GFRAL: variants seen among roughly 807,000 people sequenced by gnomAD.
GFRAL encodes GDNF family receptor alpha-like.
In GFRAL, 36 loss-of-function variants were observed where a neutral mutation model predicts 45.4. The ratio of observed to expected loss-of-function variants is 0.79; its 90% CI spans 0.61 to 1.05. The LOEUF (loss-of-function observed/expected upper bound fraction) is 1.05, where lower values mean the gene tolerates loss of function less well. Ranked by LOEUF, GFRAL falls within the 50% of genes least tolerant of loss-of-function variation. GFRAL has a pLI of 0.00. For synonymous variants in GFRAL, 166 were observed against 154.1 expected, an observed-to-expected ratio of 1.08 and a Z score of -0.57; for missense variants, 507 against 467.5, an observed-to-expected ratio of 1.08 and a Z score of -0.78.
chr6:55,333,655 T>G, intron 2 of GFRAL, 131 bp from the exon 3 acceptor site: 2 of 498,868 alleles, frequency 4.0e-6, no homozygotes, highest in East Asian at 6.4e-5. Flanking sequence ...TATGGATATC[T>G]TGCAGCAACC....
chr6:55,392,373 G>A (rs567307080), intron 6 of GFRAL, among the ~76,000 whole-genome samples: 1 of 152,274 alleles, frequency 6.6e-6, no homozygotes, highest in East Asian at 1.9e-4. Context: ...ACTTACATAG[G>A]TAACCTTTAC....
At chr6:55,395,936 G>T (rs16886691) in intron 6 of GFRAL, among the ~76,000 whole-genome samples, 2,110 of 152,182 alleles carry the variant, frequency 0.014, 36 homozygotes, top group African/African-American at 0.038. Context: ...TCATAATCGT[G>T]TTTAATTTCT....
At chr6:55,369,092 A>G (rs934409467) in intron 6 of GFRAL, among the ~76,000 whole-genome samples, 1 of 151,208 alleles carries the variant, frequency 6.6e-6, no homozygotes, top group Non-Finnish European at 1.5e-5. Flanking sequence ...GCAATCAGCG[A>G]GACTCCGTGG....
At chr6:55,394,683 T>A (rs1768798243) in intron 6 of GFRAL, among the ~76,000 whole-genome samples, 1 of 152,098 alleles carries the variant, frequency 6.6e-6, no homozygotes, top group African/African-American at 2.4e-5. Context: ...AATGTACTAA[T>A]GAGAAAGGAG....
intron 5 of GFRAL, 90 bp downstream of exon 5, chr6:55,351,673 A>G (rs1050154178): frequency 2.6e-5 from 23 of 877,356 alleles, no homozygotes; most frequent in African/African-American, 1.0e-4. Context: ...AACATTAGCT[A>G]GAGTTCCCAC....
chr6:55,393,383 G>T (rs2127366196), intron 6 of GFRAL, among the ~76,000 whole-genome samples: 1 of 152,192 alleles, frequency 6.6e-6, no homozygotes, highest in East Asian at 1.9e-4. Context: ...TAGAACCAGT[G>T]TTTTATGGAA....
At position 55,399,227 on chromosome 6, in the gene GFRAL, A is replaced by C. The variant is rs773965514; in HGVS notation, c.1000A>C (p.Lys334Gln). 1.2e-6 allele frequency: 2 copies of C among 1,607,878 alleles called. No homozygotes were observed. The highest frequency in any genetic ancestry group is 4.5e-5 in the East Asian group (2 of 44,634). ...CAAAGGCATGGCATTGTATACAAGA[A>C]AACATGCAAACAAAATCACTTTAAC... is the stretch of plus-strand genomic sequence containing the variant. ...NVKGMALYTR[K>Q]HANKITLTGF... The change falls in exon 7 of 9, where the codon AAA (lysine) becomes CAA (glutamine). Residue 334 changes from lysine to glutamine, a missense_variant. Transcript: ENST00000340465.
intron 6 of GFRAL, among the ~76,000 whole-genome samples, chr6:55,395,175 A>AAAAAAAAAATATAT: frequency 8.1e-6 from 1 of 123,510 alleles, no homozygotes; most frequent in African/African-American, 3.5e-5. Context: ...AAAAAAAAAA[A>AAAAAAAAAATATAT]ATATATATAT....
At chr6:55,372,326 A>G (rs1768461876) in intron 6 of GFRAL, among the ~76,000 whole-genome samples, 1 of 152,120 alleles carries the variant, frequency 6.6e-6, no homozygotes, top group Admixed American at 6.6e-5. Context: ...TCTTATAATG[A>G]CTTACAATCT....
chr6:55,400,456 G>C (rs1432925644), intron 8 of GFRAL, among the ~76,000 whole-genome samples: 2 of 152,062 alleles, frequency 1.3e-5, no homozygotes, highest in Admixed American at 6.6e-5. Context: ...GACTTAAAAA[G>C]GCCTTGACAA....
At chr6:55,393,621 G>T (rs187009851) in intron 6 of GFRAL, among the ~76,000 whole-genome samples, 1 of 152,116 alleles carries the variant, frequency 6.6e-6, no homozygotes, top group East Asian at 1.9e-4. Flanking sequence ...TAATGTGTTT[G>T]GCAAACTAAA....
intron 8 of GFRAL, among the ~76,000 whole-genome samples, chr6:55,401,178 T>C (rs76214450): frequency 0.046 from 7,025 of 152,274 alleles, 549 homozygotes; most frequent in African/African-American, 0.16. Flanking sequence ...AAATTATTCA[T>C]ACTATTAAAT....
At chr6:55,352,108 T>TTGAACAGGAA (rs2127355531) in intron 5 of GFRAL, among the ~76,000 whole-genome samples, 1 of 152,188 alleles carries the variant, frequency 6.6e-6, no homozygotes, top group African/African-American at 2.4e-5. Flanking sequence ...AATGTCAGGC[T>TTGAACAGGAA]TTAATACTGT....
intron 5 of GFRAL, among the ~76,000 whole-genome samples, chr6:55,353,146 G>T (rs958988019): frequency 1.3e-5 from 2 of 151,968 alleles, no homozygotes; most frequent in African/African-American, 4.8e-5. Flanking sequence ...GTGTGAACAG[G>T]CCTATATCAT....
At chr6:55,340,881 G>A (rs7757498) in intron 3 of GFRAL, among the ~76,000 whole-genome samples, 74,113 of 152,122 alleles carry the variant, frequency 0.49, 19,476 homozygotes, top group Non-Finnish European at 0.61. Flanking sequence ...ATTATATCCC[G>A]TGCCTGGCTT....
chr6:55,399,533 C>CTGAGAA, intron 8 of GFRAL, 92 bp downstream of exon 8: 1 of 847,648 alleles, frequency 1.2e-6, no homozygotes, highest in Non-Finnish European at 2.0e-6. Context: ...TACAAAGAGC[C>CTGAGAA]TGAGAATGAA....
intron 6 of GFRAL, among the ~76,000 whole-genome samples, chr6:55,370,903 G>A (rs1178400868): frequency 3.9e-5 from 6 of 152,178 alleles, no homozygotes. Flanking sequence ...CAGCACATGT[G>A]TGTTTCTGTG....
chr6:55,350,783 A>G (rs567560762), intron 4 of GFRAL, among the ~76,000 whole-genome samples: 2 of 152,262 alleles, frequency 1.3e-5, no homozygotes, highest in South Asian at 4.1e-4. Flanking sequence ...TTTTGTGTAT[A>G]CTTGTGTATC....
chr6:55,365,773 C>A (rs1306699257), intron 6 of GFRAL, among the ~76,000 whole-genome samples: 1,855 of 150,322 alleles, frequency 0.012, 36 homozygotes, highest in African/African-American at 0.042. Context: ...ACCAGCCTTG[C>A]ATCCCAGGGA....
Sources: gnomAD v4.1 joint callset for allele counts (sites outside exome capture counted in the v4.1 genomes callset) on GRCh38, gnomAD v4.1.1 for gene constraint, MANE v1.5 for transcripts, NCBI Gene and HGNC (gene_info 2026-07-23, HGNC 2026-07-21) for gene names.